TRUB2: variants seen among roughly 807,000 people sequenced by gnomAD.
TRUB2 encodes TruB pseudouridine synthase family member 2.
In TRUB2, 31 loss-of-function variants were observed where a neutral mutation model predicts 31.9. The ratio of observed to expected loss-of-function variants is 0.97; its 90% CI spans 0.73 to 1.31. The LOEUF is 1.31. TRUB2 is among the 50% of genes most tolerant of loss of function. TRUB2 has a pLI of 0.00. For synonymous variants in TRUB2, 201 were observed against 182.6 expected, an observed-to-expected ratio of 1.10 and a Z score of -0.81; for missense variants, 451 against 439.6, an observed-to-expected ratio of 1.03 and a Z score of -0.23.
intron 5 of TRUB2, 23 bp downstream of exon 5, chr9:128,313,785 C>T (rs1212805260): frequency 3.7e-6 from 6 of 1,609,864 alleles, no homozygotes; most frequent in East Asian, 2.2e-5. Context: ...AGGGAGGCAG[C>T]GGCAGCCACT....
intron 2 of TRUB2, 57 bp downstream of exon 2, chr9:128,321,542 T>C (rs1438898184): frequency 1.2e-6 from 2 of 1,608,774 alleles, no homozygotes; most frequent in Non-Finnish European, 1.7e-6. Context: ...GGACACTGAC[T>C]CGGCTCAGGG....
chr9:128,311,481 C>T (rs1037205066), intron 6 of TRUB2, 48 bp downstream of exon 6: 1 of 1,597,580 alleles, frequency 6.3e-7, no homozygotes, highest in Admixed American at 1.7e-5. Context: ...CTACGGGAGC[C>T]AAGGGCACTT....
chr9:128,312,102 T>TGAGATTAC (rs995442780), intron 5 of TRUB2, among the ~76,000 whole-genome samples: 1 of 150,882 alleles, frequency 6.6e-6, no homozygotes, highest in African/African-American at 2.4e-5. Flanking sequence ...CCCAAAGTGC[T>TGAGATTAC]GAGATTACAG....
At chr9:128,318,718 G>A (rs1832109739) in intron 2 of TRUB2, among the ~76,000 whole-genome samples, 1 of 151,806 alleles carries the variant, frequency 6.6e-6, no homozygotes, top group Non-Finnish European at 1.5e-5. Context: ...ATTTTTAGTA[G>A]AGACGGAGTT....
In TRUB2 at chr9:128,306,278, G is replaced by C. The variant is rs1056750521; in HGVS notation, c.*3272C>G. 2 of 151,960 alleles carry C rather than the reference G, an allele frequency of 1.3e-5. No individual in the cohort carries two copies. The highest frequency in any genetic ancestry group is 2.9e-5 in the Non-Finnish European group (2 of 67,996). The allele number at this position is 151,960 out of a possible 1,614,324, so 9.4% of individuals were successfully genotyped here. ...ACTTTTATCATCTCTATGCCAATAA[G>C]GGCTCTAAATGGGGTGGTGTGACAG... On this transcript the variant is annotated 3_prime_UTR_variant, in exon 8 of 8. Coordinates refer to ENST00000372890, the MANE Select transcript of TRUB2 (RefSeq NM_015679.3).
intron 2 of TRUB2, among the ~76,000 whole-genome samples, chr9:128,320,425 C>T (rs1174992374): frequency 5.9e-5 from 9 of 151,608 alleles, no homozygotes; most frequent in Admixed American, 2.6e-4. Flanking sequence ...CTCCGACTCC[C>T]GGGTTCAAGC....
rs150904563 is a variant in TRUB2 at position 128,317,200 on chromosome 9, T to C, written c.268A>G (p.Lys90Glu). ...TCCAACCGATGTCCCACGCCAACCTTGAGATGGGCGAATGCTGGTCCACAT... is the reference window on the plus strand; with the variant it reads ...TCCAACCGATGTCCCACGCCAACCTCGAGATGGGCGAATGCTGGTCCACAT... Reference protein sequence around the residue: ...LVCGPAFAHLKVGVGHRLDAQ... With the variant: ...LVCGPAFAHLEVGVGHRLDAQ... Residue 90 changes from lysine (K) to glutamate (E), a missense_variant, in exon 3 of 8, where the codon AAG (lysine) becomes GAG (glutamate). Transcript: ENST00000372890. The C allele has an allele frequency of 6.3e-7, 1 of 1,593,842 alleles. No individual in the cohort carries two copies. Among genetic ancestry groups the C allele is most frequent in the South Asian group, 1.1e-5 (1 of 88,184 alleles).
At position 128,309,893 on chromosome 9, in the gene TRUB2, T is replaced by G; in HGVS notation, c.671-18A>C. 6.2e-7 allele frequency: 1 copy of G among 1,608,778 alleles called. No homozygotes were observed. Among genetic ancestry groups the G allele is most frequent in the Non-Finnish European group, 8.5e-7 (1 of 1,176,682 alleles). ...CTGCACCTCTGCCAGGGACACACAATGACAGACATGGTGGTGAGAGCACAG... is the reference window on the plus strand; with the variant it reads ...CTGCACCTCTGCCAGGGACACACAAGGACAGACATGGTGGTGAGAGCACAG... On this transcript the variant is annotated intron_variant, in intron 7 of 7. Coordinates refer to ENST00000372890, the MANE Select transcript of TRUB2 (RefSeq NM_015679.3).
chr9:128,309,912 A>G, intron 7 of TRUB2, 37 bp from the exon 8 acceptor site: 1 of 1,598,860 alleles, frequency 6.3e-7, no homozygotes. Flanking sequence ...TGGTGGTGAG[A>G]GCACAGCCTC....
chr9:128,311,896 C>T (rs918369833), intron 5 of TRUB2, among the ~76,000 whole-genome samples: 2 of 139,426 alleles, frequency 1.4e-5, no homozygotes, highest in Non-Finnish European at 3.0e-5. Flanking sequence ...AGTGCAGTGG[C>T]GCAATCTTGG....
At chr9:128,313,713 G>C in intron 5 of TRUB2, 95 bp downstream of exon 5, 1 of 1,100,930 alleles carries the variant, frequency 9.1e-7, no homozygotes, top group Non-Finnish European at 1.4e-6. Flanking sequence ...TGTGTGCAGT[G>C]GAACTGAGAA....
At chr9:128,321,525 A>T in intron 2 of TRUB2, 74 bp downstream of exon 2, 1 of 1,604,016 alleles carries the variant, frequency 6.2e-7, no homozygotes, top group Non-Finnish European at 8.5e-7. Context: ...CAGGAATCTG[A>T]GCACTGGGAC....
chr9:128,313,678 G>C (rs1282824336), intron 5 of TRUB2, 130 bp downstream of exon 5: 4 of 779,358 alleles, frequency 5.1e-6, no homozygotes, highest in Non-Finnish European at 8.8e-6. Context: ...CAGATCCCGT[G>C]GCCAAAGCCT....
intron 2 of TRUB2, 152 bp from the exon 3 acceptor site, chr9:128,317,378 G>A: frequency 1.4e-6 from 1 of 714,936 alleles, no homozygotes; most frequent in Non-Finnish European, 2.4e-6. Flanking sequence ...TGGAATCTGG[G>A]ACCCTGAACT....
chr9:128,315,418 T>C lies in TRUB2; in HGVS notation c.378+149A>G. 4 of 673,426 alleles carry C rather than the reference T, an allele frequency of 5.9e-6. No homozygotes were observed. The Admixed American group carries it at 1.0e-4, about 18-fold the overall frequency. 41.7% of individuals were successfully genotyped at this position (673,426 alleles called of 1,614,324 possible). On this transcript the variant is annotated intron_variant, in intron 4 of 7. Coordinates refer to ENST00000372890, the MANE Select transcript of TRUB2 (RefSeq NM_015679.3). Reference sequence around the variant, plus strand: ...CTGGTAGTTATTATTGTTATTATTATTACAGCCCCTGCACAGCACACGATC... The same window carrying C: ...CTGGTAGTTATTATTGTTATTATTACTACAGCCCCTGCACAGCACACGATC...
intron 5 of TRUB2, among the ~76,000 whole-genome samples, chr9:128,312,615 A>ATT (rs756476106): frequency 2.4e-5 from 3 of 126,750 alleles, no homozygotes; most frequent in Non-Finnish European, 5.2e-5. Context: ...TATTATTATT[A>ATT]TTTTTTTTTT....
rs1831968021 is a variant in TRUB2, at chr9:128,311,527, A to C, written c.533+2T>G. On this transcript the variant is annotated splice_donor_variant, in intron 6 of 7. Transcript: ENST00000372890. LOFTEE classifies it high-confidence loss of function. ...CAGTACCTCCCTGAGGGCCCTACTC[A>C]CATCACCAGGGCCTTCTGATGGGAG... is the stretch of plus-strand genomic sequence containing the variant. 6.2e-7 allele frequency: 1 copy of C among 1,614,032 alleles called. No homozygotes were observed. The highest frequency in any genetic ancestry group is 8.5e-7 in the Non-Finnish European group (1 of 1,179,966).
intron 5 of TRUB2, among the ~76,000 whole-genome samples, chr9:128,312,575 C>T (rs1238258265): frequency 6.0e-5 from 9 of 150,328 alleles, no homozygotes; most frequent in African/African-American, 9.8e-5. Context: ...GGATTATAGG[C>T]GTGCACTACC....
chr9:128,313,747 G>C (rs1832018892), intron 5 of TRUB2, 61 bp downstream of exon 5: 1 of 1,492,496 alleles, frequency 6.7e-7, no homozygotes, highest in East Asian at 2.3e-5. Context: ...CCTAGGGCGG[G>C]GAGAGGACTC....
Sources: allele counts gnomAD v4.1 joint callset (sites outside exome capture counted in the v4.1 genomes callset), GRCh38; gene constraint gnomAD v4.1.1; transcripts MANE v1.5; gene names NCBI Gene and HGNC (gene_info 2026-07-23, HGNC 2026-07-21).